The following AKAP6 variants were observed in gnomAD, a reference collection of about 807,000 sequenced individuals.
AKAP6 encodes the protein A-kinase anchoring protein 6.
Under a neutral mutation model 188.5 loss-of-function variants are expected in AKAP6, and 58 were observed. The observed-to-expected ratio is 0.31, with a 90% confidence interval of 0.25 to 0.38. AKAP6 has a LOEUF of 0.38. AKAP6 is among the 10% of genes least tolerant of loss of function. The pLI, the probability that AKAP6 is intolerant of heterozygous loss-of-function variation, is 1.00. For missense variants in AKAP6, 2,710 were observed against 2,740.0 expected (o/e 0.99, Z 0.24); for synonymous variants, 989 against 998.6 (o/e 0.99, Z 0.18).
chr14:32,754,728 A>C (rs35801270), intron 11 of AKAP6, among the ~76,000 whole-genome samples: 11,174 of 152,106 alleles, frequency 0.073, 840 homozygotes, highest in East Asian at 0.38. Flanking sequence ...GAAAATCCTT[A>C]TCTCTCCTTT....
At chr14:32,802,725 A>C (rs939593117) in intron 12 of AKAP6, among the ~76,000 whole-genome samples, 3 of 152,210 alleles carry the variant, frequency 2.0e-5, no homozygotes, top group Non-Finnish European at 4.4e-5. Flanking sequence ...AAAAATTGGA[A>C]ATATGAATTT....
At chr14:32,502,391 T>C (rs904990812) in intron 2 of AKAP6, among the ~76,000 whole-genome samples, 9 of 152,184 alleles carry the variant, frequency 5.9e-5, no homozygotes, top group Admixed American at 2.0e-4. Flanking sequence ...GACAGTTTAA[T>C]TGGACCACTG....
intron 1 of AKAP6, among the ~76,000 whole-genome samples, chr14:32,344,625 C>T (rs17098811): frequency 0.041 from 6,228 of 152,092 alleles, 387 homozygotes; most frequent in African/African-American, 0.13. Context: ...AGAGTATATA[C>T]ATAAGGAGGC....
chr14:32,644,754 G>C (rs1021488190), intron 7 of AKAP6, among the ~76,000 whole-genome samples: 4 of 151,840 alleles, frequency 2.6e-5, no homozygotes, highest in Non-Finnish European at 4.4e-5. Flanking sequence ...TGAAATGTCT[G>C]CATTTCTCTA....
In AKAP6 at chr14:32,702,047, A is replaced by G. The variant is rs1000469341; in HGVS notation, c.3000+5937A>G. Among the ~76,000 whole-genome samples the G allele has an allele frequency of 1.4e-4, 21 of 152,324 alleles. No individual in the cohort carries two copies. The East Asian group carries it at 3.7e-3, about 27-fold the overall frequency. On this transcript the variant is annotated intron_variant, in intron 9 of 13. Coordinates refer to ENST00000280979, the MANE Select transcript of AKAP6 (RefSeq NM_004274.5). ...CCTGATGTTCAAAATGAAACAAATT[A>G]CAGTTATTGAAGCAGTCAAGGTAAA...
intron 7 of AKAP6, among the ~76,000 whole-genome samples, chr14:32,632,674 T>G (rs1242748278): frequency 2.0e-5 from 3 of 152,004 alleles, no homozygotes; most frequent in Admixed American, 2.0e-4. Context: ...AACACTGACC[T>G]TTTGGAAAGG....
intron 7 of AKAP6, among the ~76,000 whole-genome samples, chr14:32,644,955 A>G (rs1358874502): frequency 2.6e-5 from 4 of 152,168 alleles, no homozygotes; most frequent in Non-Finnish European, 4.4e-5. Context: ...ACCATAATCA[A>G]TGGATCATTC....
intron 2 of AKAP6, among the ~76,000 whole-genome samples, chr14:32,471,073 T>C (rs993574325): frequency 2.6e-5 from 4 of 152,254 alleles, no homozygotes; most frequent in African/African-American, 9.6e-5. Flanking sequence ...TTTATAACTA[T>C]GATAAACTAG....
chr14:32,625,749 C>T (rs1566612147), intron 7 of AKAP6, among the ~76,000 whole-genome samples: 1 of 152,010 alleles, frequency 6.6e-6, no homozygotes, highest in African/African-American at 2.4e-5. Context: ...CACCTGTGGT[C>T]ATACCTGTGC....
intron 1 of AKAP6, among the ~76,000 whole-genome samples, chr14:32,373,138 C>T (rs1322695195): frequency 6.6e-6 from 1 of 151,944 alleles, no homozygotes; most frequent in Non-Finnish European, 1.5e-5. Flanking sequence ...AGGGATTCAC[C>T]TTGCCTGCTG....
intron 1 of AKAP6, among the ~76,000 whole-genome samples, chr14:32,380,690 G>T (rs908886733): frequency 7.9e-5 from 12 of 152,154 alleles, no homozygotes; most frequent in Non-Finnish European, 1.5e-4. Flanking sequence ...AGAAAGTGCT[G>T]GTCCTTATTG....
At chr14:32,480,516 A>G (rs1879288716) in intron 2 of AKAP6, among the ~76,000 whole-genome samples, 1 of 152,164 alleles carries the variant, frequency 6.6e-6, no homozygotes, top group Admixed American at 6.6e-5. Context: ...TTCTTACTGT[A>G]ATTTGTAGAT....
rs536364697 is a variant in AKAP6 at position 32,333,172 on chromosome 14, G to C, written c.-35+3764G>C. Among the ~76,000 whole-genome samples, 24 of 152,118 alleles carry C rather than the reference G, an allele frequency of 1.6e-4. 1 individual carries two copies. Among genetic ancestry groups the C allele is most frequent in the African/African-American group, 5.1e-4 (21 of 41,436 alleles). ...TCTGCATGAGGTACAGGAATGAGAG[G>C]CTGATCAGAAAGCATCAAAGCTGCT... On this transcript the variant is annotated intron_variant, in intron 1 of 13. Coordinates refer to ENST00000280979, the MANE Select transcript of AKAP6 (RefSeq NM_004274.5).
At chr14:32,560,364 G>GT in intron 4 of AKAP6, among the ~76,000 whole-genome samples, 1 of 152,146 alleles carries the variant, frequency 6.6e-6, no homozygotes, top group Non-Finnish European at 1.5e-5. Context: ...ATTCCTTGCT[G>GT]TTTAACATTA....
At chr14:32,447,738 A>C (rs1329457472) in intron 2 of AKAP6, among the ~76,000 whole-genome samples, 3 of 152,230 alleles carry the variant, frequency 2.0e-5, no homozygotes, top group Admixed American at 6.5e-5. Context: ...AGAAAGTAGA[A>C]TTATGCATCT....
chr14:32,380,172 C>T (rs1439190430), intron 1 of AKAP6, among the ~76,000 whole-genome samples: 1 of 152,168 alleles, frequency 6.6e-6, no homozygotes, highest in Non-Finnish European at 1.5e-5. Context: ...GCCTATTGCT[C>T]CTGGCATTGA....
chr14:32,789,144 T>C (rs2033527853), intron 12 of AKAP6, among the ~76,000 whole-genome samples: 1 of 152,084 alleles, frequency 6.6e-6, no homozygotes, highest in Non-Finnish European at 1.5e-5. Context: ...CCTAGATCCA[T>C]TCCTCCTCAC....
At chr14:32,518,126 G>A (rs1301949143) in intron 2 of AKAP6, among the ~76,000 whole-genome samples, 5 of 152,132 alleles carry the variant, frequency 3.3e-5, no homozygotes, top group East Asian at 3.9e-4. Flanking sequence ...GACTTGCAGA[G>A]GGTCCTGACT....
At chr14:32,508,831 C>T (rs1309538761) in intron 2 of AKAP6, among the ~76,000 whole-genome samples, 1 of 146,084 alleles carries the variant, frequency 6.8e-6, no homozygotes, top group African/African-American at 2.5e-5. Flanking sequence ...TGAGTACCTA[C>T]TTTTTTTTTT....
Sources: allele counts gnomAD v4.1 joint callset (sites outside exome capture counted in the v4.1 genomes callset), GRCh38; gene constraint gnomAD v4.1.1; transcripts MANE v1.5; gene names NCBI Gene and HGNC (gene_info 2026-07-23, HGNC 2026-07-21).